TMPRSS5: variants seen among roughly 807,000 people sequenced by gnomAD.
TMPRSS5 encodes the protein transmembrane protease serine 5.
TMPRSS5 carries 45 observed loss-of-function variants against 59.7 expected under a neutral mutation model. The observed-to-expected ratio is 0.75, with a 90% confidence interval of 0.59 to 0.97. The LOEUF (loss-of-function observed/expected upper bound fraction) is 0.97. Among genes scored for constraint, TMPRSS5 ranks in the 50% least tolerant of loss-of-function variants. The pLI is 0.00. For synonymous variants in TMPRSS5, 225 were observed against 232.0 expected, an observed-to-expected ratio of 0.97 and a Z score of 0.27; for missense variants, 585 against 596.7, an observed-to-expected ratio of 0.98 and a Z score of 0.20.
chr11:113,691,412 C>T (rs1028166355), intron 9 of TMPRSS5, among the ~76,000 whole-genome samples: 5 of 152,164 alleles, frequency 3.3e-5, no homozygotes, highest in African/African-American at 9.7e-5. Flanking sequence ...TCCCTCTAAC[C>T]GCATCACAGA....
Position 113,696,924 on chromosome 11 carries a change from C to T in TMPRSS5, c.512G>A (p.Ser171Asn). 1.3e-6 allele frequency: 2 copies of T among 1,582,152 alleles called. No individual in the cohort carries two copies. Among genetic ancestry groups the T allele is most frequent in the Non-Finnish European group, 1.7e-6 (2 of 1,163,174 alleles). ...AGAGAGCTGAGCAAACTCCTGGGAA[C>T]TGTTGAGTTTGATGTCAGTGAGGTT... ...GVNLTDIKLN[S>N]SQEFAQLSPR... Residue 171 changes from serine to asparagine, a missense_variant, in exon 6 of 13, where the codon AGT becomes AAT. Transcript: ENST00000299882.
At chr11:113,697,153 A>G in intron 5 of TMPRSS5, 130 bp downstream of exon 5, 1 of 1,389,586 alleles carries the variant, frequency 7.2e-7, no homozygotes, top group East Asian at 2.3e-5. Context: ...AGAGGCCAGA[A>G]GATGGCCAAA....
chr11:113,701,477 G>GT (rs373519003), intron 1 of TMPRSS5, among the ~76,000 whole-genome samples: 26,043 of 131,044 alleles, frequency 0.2, 2,360 homozygotes, highest in South Asian at 0.23. Flanking sequence ...AACTTTGGTG[G>GT]TTTTTTTTTG....
chr11:113,706,262 C>A lies in TMPRSS5; in HGVS notation c.-38G>T. 1.3e-6 allele frequency: 2 copies of A among 1,597,732 alleles called. No individual in the cohort carries two copies. The highest frequency in any genetic ancestry group is 8.5e-7 in the Non-Finnish European group (1 of 1,172,352). On this transcript the variant is annotated 5_prime_UTR_variant, in exon 1 of 13. Transcript: ENST00000299882. ...CACTGTTGTAAAGCCTCAGGGTCTA[C>A]TAGGCAATGTTCCGCTCCTGTTCTC...
At chr11:113,698,247 C>A (rs1175651875) in intron 4 of TMPRSS5, among the ~76,000 whole-genome samples, 1 of 146,538 alleles carries the variant, frequency 6.8e-6, no homozygotes, top group Non-Finnish European at 1.5e-5. Context: ...TTAGTCATGG[C>A]AAACCAAACA....
chr11:113,687,915 GA>G lies in TMPRSS5; in HGVS notation c.*344del. The G allele has an allele frequency of 3.8e-6, 1 of 260,318 alleles. No individual in the cohort carries two copies. Among genetic ancestry groups the G allele is most frequent in the Non-Finnish European group, 7.2e-6 (1 of 139,468 alleles). The allele number at this position is 260,318 out of a possible 1,614,324, so 16.1% of individuals were successfully genotyped here. On this transcript the variant is annotated 3_prime_UTR_variant, in exon 13 of 13. Coordinates refer to ENST00000299882, the MANE Select transcript of TMPRSS5 (RefSeq NM_030770.4). ...ACAGGGGCAGGGAGGGGAGAGGGCAGAAGGGCAGGCTTCCTGCTGCTTCTAG... is the reference window on the plus strand; with the variant it reads ...ACAGGGGCAGGGAGGGGAGAGGGCAGAGGGCAGGCTTCCTGCTGCTTCTAG...
At chr11:113,699,246 T>A (rs868707303) in intron 3 of TMPRSS5, among the ~76,000 whole-genome samples, 1 of 80,722 alleles carries the variant, frequency 1.2e-5, no homozygotes, top group Non-Finnish European at 2.2e-5. Context: ...TCTCTCTCTC[T>A]CTCTCTCTCT....
intron 3 of TMPRSS5, 122 bp downstream of exon 3, chr11:113,699,473 C>T: frequency 2.5e-6 from 2 of 785,722 alleles, no homozygotes; most frequent in Non-Finnish European, 4.1e-6. Flanking sequence ...TTCACCCTTT[C>T]TCCCCTTGTC....
Position 113,693,151 on chromosome 11 carries a change from A to G in TMPRSS5, c.884T>C (p.Ile295Thr), listed in dbSNP as rs757293246. The change falls in exon 9 of 13, where the codon ATC (isoleucine) becomes ACC (threonine). Residue 295 changes from isoleucine to threonine, a missense_variant. Coordinates refer to ENST00000299882, the MANE Select transcript of TMPRSS5 (RefSeq NM_030770.4). Reference sequence around the variant, plus strand: ...CTGGGCACTGTAGAGGGGGTGTGGGATAATCCTCTCCACCAGAGCCCCTTG... The same window carrying G: ...CTGGGCACTGTAGAGGGGGTGTGGGGTAATCCTCTCCACCAGAGCCCCTTG... ...PHQGALVERI[I>T]PHPLYSAQNH... The G allele has an allele frequency of 6.2e-7, 1 of 1,600,838 alleles. No homozygotes were observed. The highest frequency in any genetic ancestry group is 8.5e-7 in the Non-Finnish European group (1 of 1,173,972).
chr11:113,690,195 C>CCA, intron 11 of TMPRSS5, 36 bp downstream of exon 11: 1 of 1,488,100 alleles, frequency 6.7e-7, no homozygotes, highest in Non-Finnish European at 9.0e-7. Flanking sequence ...CCCCCACCTC[C>CCA]ACTCCCACCC....
chr11:113,698,924 G>T lies in TMPRSS5; in HGVS notation c.309C>A (p.Leu103=), dbSNP rs1014066017. The change falls in exon 4 of 13, where the codon CTC becomes CTA. Residue 103 remains leucine, a synonymous_variant. Coordinates refer to ENST00000299882, the MANE Select transcript of TMPRSS5 (RefSeq NM_030770.4). ...CSEASAEEAL[L]PALPKTVSFR... ...GCCCACCTGTTTTGGGAAGTGCAGG[G>T]AGCAGAGCTTCCTCAGCGCTGGCCT... 1.9e-6 allele frequency: 3 copies of T among 1,590,994 alleles called. No individual in the cohort carries two copies. In the East Asian group the frequency reaches 6.8e-5, roughly 36 times the overall value.
rs11604602 is a variant in TMPRSS5, at chr11:113,692,966, A to G, written c.964+105T>C. 364,368 of 1,173,944 alleles carry G rather than the reference A, an allele frequency of 0.31. 60,550 individuals carry two copies. The highest frequency in any genetic ancestry group is 0.33 in the South Asian group (23,537 of 70,318). 72.7% of individuals were successfully genotyped at this position (1,173,944 alleles called of 1,614,324 possible). A position where few individuals can be genotyped will look rare whatever the true frequency, so the allele number is the denominator to read the frequency against. ...ATAAATAGAATGTTTTAAGGTTTAC[A>G]GTGTTCAGAGGAAACTTCAGAAATC... On this transcript the variant is annotated intron_variant, in intron 9 of 12. Coordinates refer to ENST00000299882, the MANE Select transcript of TMPRSS5 (RefSeq NM_030770.4).
intron 1 of TMPRSS5, among the ~76,000 whole-genome samples, 178 bp downstream of exon 1, chr11:113,706,044 A>C (rs1383454568): frequency 6.6e-6 from 1 of 152,218 alleles, no homozygotes; most frequent in Non-Finnish European, 1.5e-5. Context: ...AATAAAGGGC[A>C]GTCCCTGGGG....
intron 9 of TMPRSS5, among the ~76,000 whole-genome samples, chr11:113,691,348 T>C (rs1202876472): frequency 6.6e-6 from 1 of 152,196 alleles, no homozygotes; most frequent in Non-Finnish European, 1.5e-5. Flanking sequence ...GGCACACTAT[T>C]GAGTAAAGCA....
intron 11 of TMPRSS5, 55 bp downstream of exon 11, chr11:113,690,176 G>GGCCCA: frequency 5.7e-5 from 22 of 388,194 alleles, no homozygotes; most frequent in Non-Finnish European, 8.3e-5. Flanking sequence ...CAGGCCCCCT[G>GGCCCA]CCCTCCCACC....
intron 3 of TMPRSS5, among the ~76,000 whole-genome samples, chr11:113,699,272 C>T (rs59233815): frequency 0.1 from 2,462 of 23,582 alleles, 112 homozygotes; most frequent in East Asian, 0.14. Context: ...TCTCTCTCTC[C>T]CTCTCTCTCT....
chr11:113,699,137 A>G, intron 3 of TMPRSS5, 110 bp from the exon 4 acceptor site: 1 of 1,171,922 alleles, frequency 8.5e-7, no homozygotes, highest in East Asian at 2.7e-5. Context: ...CAACCTGCTG[A>G]GGAGGGGCAT....
intron 1 of TMPRSS5, among the ~76,000 whole-genome samples, chr11:113,704,266 CAG>C (rs1953224866): frequency 6.6e-6 from 1 of 152,178 alleles, no homozygotes; most frequent in Admixed American, 6.5e-5. Context: ...TTGGACAACT[CAG>C]GCCATCTCTT....
At position 113,693,090 on chromosome 11, in the gene TMPRSS5, C is replaced by T. The variant is rs1390204259; in HGVS notation, c.945G>A (p.Gln315=). The T allele has an allele frequency of 6.4e-7, 1 of 1,570,802 alleles. No homozygotes were observed. Among genetic ancestry groups the T allele is most frequent in the Non-Finnish European group, 8.6e-7 (1 of 1,157,742 alleles). ...HDYDVALLRL[Q]TALNFSDTVG... is the part of the protein sequence containing the mutation. ...CCGCACCTGAGAAGTTGAGAGCGGT[C>T]TGGAGCCTCAGGAGGGCGACGTCGT... The change falls in exon 9 of 13, where the codon CAG becomes CAA. Residue 315 remains glutamine, a synonymous_variant. Transcript: ENST00000299882.
Sources: gnomAD v4.1 joint callset for allele counts (sites outside exome capture counted in the v4.1 genomes callset) on GRCh38, gnomAD v4.1.1 for gene constraint, MANE v1.5 for transcripts, NCBI Gene and HGNC (gene_info 2026-07-23, HGNC 2026-07-21) for gene names.